ANKH: variants seen among roughly 807,000 people sequenced by gnomAD.
ANKH encodes the protein mineralization regulator ANKH.
Under a neutral mutation model 49.0 loss-of-function variants are expected in ANKH, and 15 were observed. The observed-to-expected ratio is 0.31, with a 90% CI of 0.20 to 0.47. The LOEUF is 0.47. ANKH is among the 20% of genes least tolerant of loss of function. The probability of loss-of-function intolerance (pLI) is 1.00; values close to 1 mark genes in which losing one functional copy is unlikely to be tolerated. For missense variants in ANKH, 429 were observed against 652.0 expected, an observed-to-expected ratio of 0.66 and a Z score of 3.72; for synonymous variants, 273 against 260.0, an observed-to-expected ratio of 1.05 and a Z score of -0.48.
chr5:14,781,482 G>A (rs778367049), intron 1 of ANKH, among the ~76,000 whole-genome samples: 15 of 152,190 alleles, frequency 9.9e-5, no homozygotes, highest in Admixed American at 7.2e-4. Flanking sequence ...AACCAAGCAC[G>A]GTACAACGAT....
intron 1 of ANKH, among the ~76,000 whole-genome samples, chr5:14,786,148 A>G (rs1369329164): frequency 6.6e-6 from 1 of 151,878 alleles, no homozygotes. Flanking sequence ...GGGTCTTATT[A>G]GACTGATATC....
chr5:14,846,685 A>G (rs1004780111), intron 1 of ANKH, among the ~76,000 whole-genome samples: 4 of 152,142 alleles, frequency 2.6e-5, no homozygotes, highest in Middle Eastern at 3.2e-3. Flanking sequence ...CCCAGGGAAG[A>G]GCATGGTTAA....
Position 14,865,481 on chromosome 5 carries a change from A to G in ANKH, c.96+5871T>C, listed in dbSNP as rs117810086. Among the ~76,000 whole-genome samples the G allele has an allele frequency of 3.2e-4, 49 of 152,194 alleles. 2 individuals are homozygous for G. In the East Asian group the frequency reaches 8.9e-3, roughly 28 times the overall value. ...TTACTACAGAATAGACTGGAGGGGG[A>G]AAGTCTCCCTCACAGTGACTCGGAG... On this transcript the variant is annotated intron_variant, in intron 1 of 11. Transcript: ENST00000284268.
chr5:14,711,098 A>C lies in ANKH; in HGVS notation c.*99T>G. ...AGGCCTCTTTCATTACCAAAACAAA[A>C]CAAAAAAAAGGGAACAAAATACGAT... On this transcript the variant is annotated 3_prime_UTR_variant, in exon 12 of 12. Coordinates refer to ENST00000284268, the MANE Select transcript of ANKH (RefSeq NM_054027.6). 1 of 1,121,950 alleles carries C rather than the reference A, an allele frequency of 8.9e-7. No homozygotes were observed. Among genetic ancestry groups the C allele is most frequent in the African/African-American group, 1.5e-5 (1 of 65,500 alleles). 69.5% of individuals were successfully genotyped at this position (1,121,950 alleles called of 1,614,324 possible).
intron 1 of ANKH, 32 bp downstream of exon 1, chr5:14,871,319 CG>C (rs1735814727): frequency 6.3e-7 from 1 of 1,590,836 alleles, no homozygotes; most frequent in African/African-American, 1.3e-5. Context: ...CAAGGCAGGG[CG>C]AGCGGGCGTG....
intron 1 of ANKH, among the ~76,000 whole-genome samples, chr5:14,803,649 C>T (rs1032712107): frequency 3.9e-5 from 6 of 152,104 alleles, no homozygotes; most frequent in African/African-American, 1.4e-4. Context: ...TCTTCTTCTT[C>T]TATACTCCCT....
At chr5:14,764,021 G>A (rs990163313) in intron 2 of ANKH, among the ~76,000 whole-genome samples, 1 of 151,620 alleles carries the variant, frequency 6.6e-6, no homozygotes, top group Admixed American at 6.6e-5. Flanking sequence ...CTGGGAGGCG[G>A]AGGTTGCAAT....
At chr5:14,848,517 G>C (rs866495853) in intron 1 of ANKH, among the ~76,000 whole-genome samples, 1 of 152,134 alleles carries the variant, frequency 6.6e-6, no homozygotes, top group African/African-American at 2.4e-5. Context: ...CTGAGCTTTT[G>C]CTCGCCGTCC....
chr5:14,742,713 A>T (rs1738402903), intron 7 of ANKH, among the ~76,000 whole-genome samples: 1 of 152,206 alleles, frequency 6.6e-6, no homozygotes, highest in Non-Finnish European at 1.5e-5. Context: ...TCTCCCCTTG[A>T]ATCACTCAGC....
chr5:14,753,827 C>T (rs1022825853), intron 4 of ANKH, among the ~76,000 whole-genome samples: 4 of 152,132 alleles, frequency 2.6e-5, no homozygotes, highest in Admixed American at 2.6e-4. Flanking sequence ...AAAAACCCCC[C>T]TCGAGAATTG....
chr5:14,749,112 C>T, intron 6 of ANKH, 60 bp downstream of exon 6: 1 of 1,610,346 alleles, frequency 6.2e-7, no homozygotes, highest in South Asian at 1.1e-5. Flanking sequence ...AAATCAGTTT[C>T]AGCACCCCCC....
At chr5:14,807,489 T>A (rs552517197) in intron 1 of ANKH, among the ~76,000 whole-genome samples, 86 of 152,292 alleles carry the variant, frequency 5.6e-4, no homozygotes, top group African/African-American at 1.9e-3. Flanking sequence ...TGATACTTCT[T>A]GAGCATGTCT....
rs1019804151 is a variant in ANKH, at chr5:14,721,194, T to G, written c.1012-4359A>C. Among the ~76,000 whole-genome samples, 6 of 152,204 alleles carry G rather than the reference T, an allele frequency of 3.9e-5. No individual in the cohort carries two copies. In the East Asian group the frequency reaches 7.7e-4, roughly 20 times the overall value. On this transcript the variant is annotated intron_variant, in intron 8 of 11. Transcript: ENST00000284268. Reference sequence around the variant, plus strand: ...GGTTTGATGGATTTCCAGTAGGAGCTTCCTGAGATGGTGGCTCAATAGTCC... The same window carrying G: ...GGTTTGATGGATTTCCAGTAGGAGCGTCCTGAGATGGTGGCTCAATAGTCC...
chr5:14,799,115 A>T (rs1483186160), intron 1 of ANKH, among the ~76,000 whole-genome samples: 1 of 152,242 alleles, frequency 6.6e-6, no homozygotes, highest in African/African-American at 2.4e-5. Context: ...AGTGGTCTGG[A>T]AAGAAGATCA....
In ANKH at chr5:14,789,287, C is replaced by T. The variant is rs552715652; in HGVS notation, c.97-20096G>A. 3.2e-3 allele frequency among the ~76,000 whole-genome samples: 494 copies of T among 152,176 alleles called. 3 individuals are homozygous for T. The highest frequency in any genetic ancestry group is 0.011 in the African/African-American group (475 of 41,524). The stretch of plus-strand genomic sequence containing the variant: ...ATATACCATAGTATTTATTTAAGAA[C>T]GTAAGAATGGTTCCAACCTCAATGT... On this transcript the variant is annotated intron_variant, in intron 1 of 11. Coordinates refer to ENST00000284268, the MANE Select transcript of ANKH (RefSeq NM_054027.6).
At position 14,713,464 on chromosome 5, in the gene ANKH, G is replaced by A. The variant is rs546132935; in HGVS notation, c.1265+80C>T. ...CTAGACGTGCCTGGGGATTTCCCCT[G>A]AAAATGTAGCTGTTAAACCTCTGGA... On this transcript the variant is annotated intron_variant, in intron 10 of 11. Transcript: ENST00000284268. This position sits in a 1 kb window ranked among gnomAD's most constrained non-coding sequence, Gnocchi z 4.4. 5.7e-6 allele frequency: 9 copies of A among 1,574,502 alleles called. No individual in the cohort carries two copies. The South Asian group carries it at 9.1e-5, about 16-fold the overall frequency.
intron 6 of ANKH, among the ~76,000 whole-genome samples, chr5:14,748,899 C>G (rs963544853): frequency 1.3e-5 from 2 of 152,230 alleles, no homozygotes; most frequent in Non-Finnish European, 2.9e-5. Context: ...AGTTCTGTGT[C>G]TTTAACCTTT....
intron 1 of ANKH, chr5:14,869,988 T>C (rs1438837512): frequency 2.0e-5 from 3 of 152,132 alleles, no homozygotes; most frequent in Non-Finnish European, 4.4e-5. Flanking sequence ...TTGTAGGAAG[T>C]GTTCAAAGTC....
intron 1 of ANKH, among the ~76,000 whole-genome samples, chr5:14,852,429 A>G (rs944954276): frequency 1.3e-5 from 2 of 152,258 alleles, no homozygotes; most frequent in Non-Finnish European, 2.9e-5. Flanking sequence ...CAGAAATTTT[A>G]AAGTCCAAGC....
Sources: allele counts gnomAD v4.1 joint callset (sites outside exome capture counted in the v4.1 genomes callset), GRCh38; gene constraint gnomAD v4.1.1; non-coding constraint Gnocchi (gnomAD v3.1); transcripts MANE v1.5; gene names NCBI Gene and HGNC (gene_info 2026-07-23, HGNC 2026-07-21).